TSC22D1: variants seen among roughly 807,000 people sequenced by gnomAD.
The protein encoded by TSC22D1 is TSC22 domain family protein 1.
TSC22D1 carries 9 observed loss-of-function variants against 74.2 expected under a neutral mutation model. The observed-to-expected ratio is 0.12, with a 90% CI of 0.07 to 0.21. TSC22D1 has a LOEUF of 0.21. Ranked by LOEUF, TSC22D1 falls within the 10% of genes least tolerant of loss-of-function variation. The probability of loss-of-function intolerance (pLI) is 1.00; values close to 1 mark genes in which losing one functional copy is unlikely to be tolerated. For synonymous variants in TSC22D1, 586 were observed against 492.5 expected, an observed-to-expected ratio of 1.19 and a Z score of -2.51; for missense variants, 1,427 against 1,304.7, an observed-to-expected ratio of 1.09 and a Z score of -1.44.
intron 1 of TSC22D1, among the ~76,000 whole-genome samples, chr13:44,437,648 C>A (rs1204069786): frequency 3.3e-5 from 5 of 152,126 alleles, no homozygotes; most frequent in African/African-American, 1.2e-4. Flanking sequence ...CCAAAAAAGT[C>A]AATCCACAGG....
chr13:44,436,570 TG>T, intron 1 of TSC22D1: 1 of 1,614,148 alleles, frequency 6.2e-7, no homozygotes, highest in Non-Finnish European at 8.5e-7. Flanking sequence ...AATTGAAAAA[TG>T]TCTCAGTTGG....
At chr13:44,508,931 T>C (rs181854054) in intron 1 of TSC22D1, among the ~76,000 whole-genome samples, 3 of 151,980 alleles carry the variant, frequency 2.0e-5, no homozygotes, top group Admixed American at 2.0e-4. Flanking sequence ...AAACAAACTA[T>C]ATAAAAAGCA....
intron 1 of TSC22D1, among the ~76,000 whole-genome samples, chr13:44,552,327 C>A (rs918719714): frequency 3.3e-5 from 5 of 152,148 alleles, no homozygotes; most frequent in Non-Finnish European, 2.9e-5. Flanking sequence ...TTCACGAACA[C>A]CATCAAGGGT....
rs139481691 is a variant in TSC22D1 at position 44,574,425 on chromosome 13, C to T, written c.1650G>A (p.Gln550=). Residue 550 remains glutamine (Q), a synonymous_variant, in exon 1 of 3, where the codon CAG becomes CAA. Coordinates refer to ENST00000458659, the MANE Select transcript of TSC22D1 (RefSeq NM_183422.4). Reference sequence around the variant, plus strand: ...TTTGCTGATAGCTCAGTTCTTGAGACTGTAATTGTACTTGTGAGATCTGTG... The same window carrying T: ...TTTGCTGATAGCTCAGTTCTTGAGATTGTAATTGTACTTGTGAGATCTGTG... The part of the protein sequence containing the change: ...SQSQISQVQL[Q]SQELSYQQKQ... The T allele has an allele frequency of 6.2e-7, 1 of 1,614,216 alleles. No homozygotes were observed. The highest frequency in any genetic ancestry group is 1.3e-5 in the African/African-American group (1 of 75,052).
chr13:44,551,790 C>G (rs990538287), intron 1 of TSC22D1, among the ~76,000 whole-genome samples: 9 of 151,720 alleles, frequency 5.9e-5, no homozygotes, highest in Non-Finnish European at 7.4e-5. Flanking sequence ...AATCCCAACA[C>G]TTTGGGAGAC....
intron 1 of TSC22D1, among the ~76,000 whole-genome samples, chr13:44,441,822 T>C (rs1875228340): frequency 6.6e-6 from 1 of 152,172 alleles, no homozygotes; most frequent in Non-Finnish European, 1.5e-5. Flanking sequence ...TTTATAGGGA[T>C]CTGCAGCAGT....
At position 44,515,304 on chromosome 13, in the gene TSC22D1, A is replaced by AC. The variant is rs1879925714; in HGVS notation, c.2912+57858_2912+57859insG. Among the ~76,000 whole-genome samples, 4 of 150,734 alleles carry AC rather than the reference A, an allele frequency of 2.7e-5. No individual in the cohort carries two copies. The South Asian group carries it at 8.4e-4, about 32-fold the overall frequency. On this transcript the variant is annotated intron_variant, in intron 1 of 2. Coordinates refer to ENST00000458659, the MANE Select transcript of TSC22D1 (RefSeq NM_183422.4). ...CCATGAGACACAATCCTCTACAACT[A>AC]TTTTTTTTTTAAAAAGAATAAGGTA...
intron 1 of TSC22D1, among the ~76,000 whole-genome samples, chr13:44,465,402 G>T: frequency 6.6e-6 from 1 of 152,194 alleles, no homozygotes; most frequent in East Asian, 1.9e-4. Flanking sequence ...TGACAATGAT[G>T]AGACTAATTC....
intron 1 of TSC22D1, among the ~76,000 whole-genome samples, chr13:44,450,729 C>T (rs1294529822): frequency 6.6e-6 from 1 of 152,160 alleles, no homozygotes; most frequent in Non-Finnish European, 1.5e-5. Flanking sequence ...TGGGGTATAA[C>T]ATTGATAGGC....
At chr13:44,544,513 T>C (rs1268975694) in intron 1 of TSC22D1, among the ~76,000 whole-genome samples, 3 of 150,398 alleles carry the variant, frequency 2.0e-5, no homozygotes, top group Admixed American at 6.6e-5. Flanking sequence ...CTGAGCAAAG[T>C]TGTGTGTTAA....
rs757597463 is a variant in TSC22D1, at chr13:44,575,027, T to G, written c.1048A>C (p.Ser350Arg). The G allele has an allele frequency of 1.6e-5, 26 of 1,614,052 alleles. No homozygotes were observed. The highest frequency in any genetic ancestry group is 2.2e-5 in the Non-Finnish European group (26 of 1,180,018). The change falls in exon 1 of 3, where the codon AGT becomes CGT. Residue 350 changes from serine (S) to arginine (R), a missense_variant. This residue lies in a region of TSC22D1 where 1,343 missense variants were observed against 1,191.5 expected (regional missense o/e 1.13). Coordinates refer to ENST00000458659, the MANE Select transcript of TSC22D1 (RefSeq NM_183422.4). ...TSNIPSAAGV[S>R]VGPGVTSGVN... is the part of the protein sequence containing the mutation. ...CCACTGGTAACTCCAGGCCCAACACTCACACCAGCAGCACTAGGAATATTG... is the reference window on the plus strand; with the variant it reads ...CCACTGGTAACTCCAGGCCCAACACGCACACCAGCAGCACTAGGAATATTG...
At chr13:44,458,904 C>T (rs1876829977) in intron 1 of TSC22D1, among the ~76,000 whole-genome samples, 1 of 152,170 alleles carries the variant, frequency 6.6e-6, no homozygotes, top group African/African-American at 2.4e-5. Flanking sequence ...TGCAAACCTG[C>T]AGGCACCCCT....
intron 1 of TSC22D1, among the ~76,000 whole-genome samples, chr13:44,446,796 GGAGGAAAAGGAGGAGGAA>G (rs1875693049): frequency 8.5e-6 from 1 of 117,788 alleles, no homozygotes. Flanking sequence ...AGGAGGAGGA[GGAGGAAAAGGAGGAGGAA>G]GAGGAGGAGG....
intron 1 of TSC22D1, among the ~76,000 whole-genome samples, chr13:44,551,138 A>C (rs1363686450): frequency 6.6e-6 from 1 of 151,786 alleles, no homozygotes; most frequent in Non-Finnish European, 1.5e-5. Context: ...AGGCATGGTG[A>C]CATGTACCTG....
At chr13:44,459,813 C>T (rs1248973857) in intron 1 of TSC22D1, among the ~76,000 whole-genome samples, 3 of 152,222 alleles carry the variant, frequency 2.0e-5, no homozygotes, top group African/African-American at 7.2e-5. Flanking sequence ...GAGCTGCCTA[C>T]CCCGCTGCAG....
At chr13:44,500,933 G>A (rs1470076410) in intron 1 of TSC22D1, among the ~76,000 whole-genome samples, 3 of 152,104 alleles carry the variant, frequency 2.0e-5, no homozygotes, top group Non-Finnish European at 2.9e-5. Context: ...CGATCCTCCT[G>A]CCTTCGCCTC....
chr13:44,576,158 A>T lies in TSC22D1; in HGVS notation c.-84T>A. ...TTTGTATTGGAGACGCCGGAGAGGAAAACGGGACCTGACGCTCCGCCTGGC... is the reference window on the plus strand; with the variant it reads ...TTTGTATTGGAGACGCCGGAGAGGATAACGGGACCTGACGCTCCGCCTGGC... On this transcript the variant is annotated 5_prime_UTR_variant, in exon 1 of 3. Coordinates refer to ENST00000458659, the MANE Select transcript of TSC22D1 (RefSeq NM_183422.4). 1 of 1,384,614 alleles carries T rather than the reference A, an allele frequency of 7.2e-7. No homozygotes were observed. Among genetic ancestry groups the T allele is most frequent in the Non-Finnish European group, 9.3e-7 (1 of 1,070,532 alleles). The allele number at this position is 1,384,614 out of a possible 1,614,324, so 85.8% of individuals were successfully genotyped here. A position where few individuals can be genotyped will look rare whatever the true frequency, so the allele number is the denominator to read the frequency against.
chr13:44,551,685 T>C (rs1050344705), intron 1 of TSC22D1, among the ~76,000 whole-genome samples: 5 of 152,070 alleles, frequency 3.3e-5, no homozygotes, highest in Non-Finnish European at 5.9e-5. Context: ...CCTCCCAAAG[T>C]GGTGGGATTA....
rs764858459 is a variant in TSC22D1, at chr13:44,573,173, C to T, written c.2902G>A (p.Glu968Lys). ...LPLTTPLVDG[E>K]DESSSGASVV... ...ATGACATGATCTTACCTCTCATCCT[C>T]GCCATCCACCAGGGGTGTCGTCAGC... is the stretch of plus-strand genomic sequence containing the variant. Residue 968 changes from glutamate to lysine, a missense_variant, in exon 1 of 3, where the codon GAG (glutamate) becomes AAG (lysine). Physicochemically the swap from Glu to Lys is moderately conservative, Grantham distance 56. Around this residue, in one of 3 missense-constraint regions of TSC22D1, gnomAD observed 1,343 missense variants for 1,191.5 expected, o/e 1.13. Coordinates refer to ENST00000458659, the MANE Select transcript of TSC22D1 (RefSeq NM_183422.4). 2 of 1,613,752 alleles carry T rather than the reference C, an allele frequency of 1.2e-6. No individual in the cohort carries two copies. The highest frequency in any genetic ancestry group is 1.7e-5 in the Admixed American group (1 of 60,002).
Sources: allele counts gnomAD v4.1 joint callset (sites outside exome capture counted in the v4.1 genomes callset), GRCh38; gene constraint gnomAD v4.1.1; regional missense constraint gnomAD v4.1.1; transcripts MANE v1.5; gene names NCBI Gene and HGNC (gene_info 2026-07-23, HGNC 2026-07-21).